SZT2: variants seen among roughly 807,000 people sequenced by gnomAD.
The protein encoded by SZT2 is KICSTOR complex protein SZT2.
SZT2 carries 216 observed loss-of-function variants against 404.2 expected under a neutral mutation model. That is an observed-to-expected ratio of 0.53 (90% CI 0.48 to 0.60). SZT2 has a LOEUF of 0.60. SZT2 is among the 20% of genes least tolerant of loss of function. The pLI, the probability that SZT2 is intolerant of heterozygous loss-of-function variation, is 0.00. For missense variants in SZT2, 3,857 were observed against 4,459.2 expected (o/e 0.86, Z 3.85); for synonymous variants, 1,693 against 1,749.9 (o/e 0.97, Z 0.81).
Position 43,448,118 on chromosome 1 carries a change from C to T in SZT2, c.9603C>T (p.Leu3201=). 1 of 1,601,298 alleles carries T rather than the reference C, an allele frequency of 6.2e-7. No individual in the cohort carries two copies. The part of the protein sequence containing the change: ...FFVVLTSQRE[L]FPRLTADMRR... Reference sequence around the variant, plus strand: ...TGGTGCTCACCAGCCAGCGAGAGCTCTTCCCCAGGCTCACTGCTGACATGC... The same window carrying T: ...TGGTGCTCACCAGCCAGCGAGAGCTTTTCCCCAGGCTCACTGCTGACATGC... Residue 3201 remains leucine, a synonymous_variant, in exon 69 of 72, where the codon CTC becomes CTT. Coordinates refer to ENST00000634258, the MANE Select transcript of SZT2 (RefSeq NM_001365999.1). The surrounding 1 kb of genome is among the most constrained non-coding windows in gnomAD (Gnocchi z 4.2).
At chr1:43,415,855 C>A in intron 5 of SZT2, 105 bp from the exon 6 acceptor site, 1 of 1,332,784 alleles carries the variant, frequency 7.5e-7, no homozygotes, top group Non-Finnish European at 1.0e-6. Context: ...TCACAGGATT[C>A]GGCCTGTCTG....
rs746376950 is a variant in SZT2 at position 43,424,332 on chromosome 1, C to T, written c.2371C>T (p.Arg791Cys). Residue 791 changes from arginine (R) to cysteine (C), a missense_variant, in exon 16 of 72, where the codon CGC becomes TGC. By Grantham distance (180) the Arg-to-Cys change is radical (BLOSUM62 -3). This residue lies in a region of SZT2 where 1,725 missense variants were observed against 1,881.0 expected (regional missense o/e 0.92). Coordinates refer to ENST00000634258, the MANE Select transcript of SZT2 (RefSeq NM_001365999.1). The surrounding 1 kb of genome is among the most constrained non-coding windows in gnomAD (Gnocchi z 4.1). ...CTCTTCTAGCCTGGCGTCACTGTCCCGCTACCTCTACCATCAGCGCTGGCT... is the reference window on the plus strand; with the variant it reads ...CTCTTCTAGCCTGGCGTCACTGTCCTGCTACCTCTACCATCAGCGCTGGCT... ...SASSSLASLS[R>C]YLYHQRWLWS... 8 of 1,598,082 alleles carry T rather than the reference C, an allele frequency of 5.0e-6. No homozygotes were observed. The highest frequency in any genetic ancestry group is 2.7e-5 in the African/African-American group (2 of 74,952).
Position 43,450,572 on chromosome 1 carries a change from GC to G in SZT2, c.*96del. 1 of 1,558,086 alleles carries G rather than the reference GC, an allele frequency of 6.4e-7. No homozygotes were observed. Among genetic ancestry groups the G allele is most frequent in the Non-Finnish European group, 8.7e-7 (1 of 1,144,518 alleles). ...AGGCAGGACTGACCAGCCCTTCTGGGCCCCAGGGCAAGCCAGACACTGAGTG... is the reference window on the plus strand; with the variant it reads ...AGGCAGGACTGACCAGCCCTTCTGGGCCCAGGGCAAGCCAGACACTGAGTG... On this transcript the variant is annotated 3_prime_UTR_variant, in exon 72 of 72. Coordinates refer to ENST00000634258, the MANE Select transcript of SZT2 (RefSeq NM_001365999.1). This position sits in a 1 kb window ranked among gnomAD's most constrained non-coding sequence, Gnocchi z 4.3.
intron 4 of SZT2, among the ~76,000 whole-genome samples, chr1:43,411,198 A>G (rs1650997860): frequency 6.6e-6 from 1 of 152,248 alleles, no homozygotes; most frequent in African/African-American, 2.4e-5. Context: ...GAGGATCTAC[A>G]GGGAACTTTA....
chr1:43,443,463 C>G lies in SZT2; in HGVS notation c.8611C>G (p.Pro2871Ala). The G allele has an allele frequency of 6.2e-7, 1 of 1,614,188 alleles. No homozygotes were observed. Among genetic ancestry groups the G allele is most frequent in the Non-Finnish European group, 8.5e-7 (1 of 1,180,014 alleles). ...WLHGPPETSGPPDGQRRHRPE... is the reference protein window; with the variant it reads ...WLHGPPETSGAPDGQRRHRPE... ...GCATGGGCCCCCAGAGACCTCTGGA[C>G]CCCCTGACGGGCAGGTAAGGCTGAC... The change falls in exon 61 of 72, where the codon CCC (proline) becomes GCC (alanine). Residue 2871 changes from proline (P) to alanine (A), a missense_variant. Around this residue, in one of 7 missense-constraint regions of SZT2, gnomAD observed 717 missense variants for 868.2 expected, o/e 0.83. Coordinates refer to ENST00000634258, the MANE Select transcript of SZT2 (RefSeq NM_001365999.1).
In SZT2 at chr1:43,424,687, G is replaced by C. The variant is rs1652927614; in HGVS notation, c.2472-97G>C. ...GCCAGCAGCAGACTTGGCTCCTTGA[G>C]GACTGCTGGGAGGTGGGTGTATGTG... On this transcript the variant is annotated intron_variant, in intron 16 of 71. Transcript: ENST00000634258. This position sits in a 1 kb window ranked among gnomAD's most constrained non-coding sequence, Gnocchi z 4.1. 1 of 1,096,350 alleles carries C rather than the reference G, an allele frequency of 9.1e-7. No homozygotes were observed. The highest frequency in any genetic ancestry group is 1.5e-5 in the African/African-American group (1 of 64,888). The allele number at this position is 1,096,350 out of a possible 1,614,324, so 67.9% of individuals were successfully genotyped here.
At chr1:43,418,437 TAGAA>T (rs920085591) in intron 7 of SZT2, among the ~76,000 whole-genome samples, 3 of 151,860 alleles carry the variant, frequency 2.0e-5, no homozygotes, top group Non-Finnish European at 2.9e-5. Context: ...TCTTTGAAAA[TAGAA>T]AGAAGTGAAG....
chr1:43,430,196 G>GA, intron 30 of SZT2, 93 bp downstream of exon 30: 1 of 1,572,782 alleles, frequency 6.4e-7, no homozygotes, highest in South Asian at 1.1e-5. Context: ...CCTGGATGTG[G>GA]CTCTTGTCTT....
Position 43,450,254 on chromosome 1 carries a change from G to A in SZT2, c.10155+83G>A, listed in dbSNP as rs1179627233. The A allele has an allele frequency of 6.8e-6, 11 of 1,613,688 alleles. No homozygotes were observed. Among genetic ancestry groups the A allele is most frequent in the Non-Finnish European group, 8.5e-6 (10 of 1,179,752 alleles). On this transcript the variant is annotated intron_variant, in intron 71 of 71. Coordinates refer to ENST00000634258, the MANE Select transcript of SZT2 (RefSeq NM_001365999.1). This position sits in a 1 kb window ranked among gnomAD's most constrained non-coding sequence, Gnocchi z 4.3. ...CCACCTCGGAGCCTGCTGAGGTTGG[G>A]GTGCCCACCCTTTCTGAGCCCTGCC...
chr1:43,433,188 AC>A lies in SZT2; in HGVS notation c.5803del (p.Arg1935GlyfsTer3). 1 of 1,613,212 alleles carries A rather than the reference AC, an allele frequency of 6.2e-7. No homozygotes were observed. Among genetic ancestry groups the A allele is most frequent in the Non-Finnish European group, 8.5e-7 (1 of 1,179,956 alleles). ...QDRVEVYAHARSLIREDGGPG... is the reference protein window; with the variant it reads ...QDRVEVYAHAXSLIREDGGPG... ...ACCGTGTGGAAGTGTATGCACATGC[AC>A]GGTAAGTAGAAGCCAGGGCCTGCAC... On this transcript the variant is annotated frameshift_variant and splice_region_variant, in exon 40 of 72. Coordinates refer to ENST00000634258, the MANE Select transcript of SZT2 (RefSeq NM_001365999.1). LOFTEE classifies it high-confidence loss of function.
rs774407890 is a variant in SZT2 at position 43,439,774 on chromosome 1, G to T, written c.7042+5G>T. The T allele has an allele frequency of 4.4e-6, 7 of 1,581,482 alleles. No individual in the cohort carries two copies. In the East Asian group the frequency reaches 1.6e-4, roughly 36 times the overall value. On this transcript the variant is annotated splice_donor_5th_base_variant and intron_variant, in intron 50 of 71. Transcript: ENST00000634258. The surrounding 1 kb of genome is among the most constrained non-coding windows in gnomAD (Gnocchi z 4.2). ...TTGTTGTGGACAGTTCTTCAGGTGG[G>T]ACAGCTTGGTCAGAGGATGAGGTGT...
chr1:43,406,337 A>C, intron 4 of SZT2: 1 of 224,730 alleles, frequency 4.4e-6, no homozygotes, highest in Non-Finnish European at 9.3e-6. Flanking sequence ...ACCTCAAGTG[A>C]TCCACCTGCC....
Position 43,435,297 on chromosome 1 carries a change from A to G in SZT2, c.6002A>G (p.His2001Arg). 6.2e-7 allele frequency: 1 copy of G among 1,613,236 alleles called. No homozygotes were observed. The highest frequency in any genetic ancestry group is 8.5e-7 in the Non-Finnish European group (1 of 1,179,736). Residue 2001 changes from histidine (H) to arginine (R), a missense_variant, in exon 42 of 72, where the codon CAC becomes CGC. His to Arg is a conservative substitution (Grantham distance 29). Transcript: ENST00000634258. ...CTGTGGCGCAGTGAGACTCCCTTCC[A>G]CTCCCGTCAGCGGGCACCACTGCCC... ...EDLWRSETPF[H>R]SRQRAPLPSD...
intron 4 of SZT2, chr1:43,405,221 A>G (rs1255086668): frequency 6.6e-6 from 1 of 152,290 alleles, no homozygotes; most frequent in African/African-American, 2.4e-5. Context: ...CATGTTGGCC[A>G]GGCTGGTCTT....
rs1467715623 is a variant in SZT2 at position 43,441,640 on chromosome 1, C to T, written c.7609+39C>T. ...CTCCCCTCCCATCCCTCAACCCCAG[C>T]CTGGTCTCCATCCTGCAGCTCCACA... On this transcript the variant is annotated intron_variant, in intron 54 of 71. Transcript: ENST00000634258. This position sits in a 1 kb window ranked among gnomAD's most constrained non-coding sequence, Gnocchi z 4.8. 2 of 1,613,962 alleles carry T rather than the reference C, an allele frequency of 1.2e-6. No individual in the cohort carries two copies. The highest frequency in any genetic ancestry group is 1.7e-6 in the Non-Finnish European group (2 of 1,179,910).
rs1484864025 is a variant in SZT2 at position 43,431,453 on chromosome 1, C to T, written c.5025-7C>T. The T allele has an allele frequency of 6.2e-7, 1 of 1,614,016 alleles. No homozygotes were observed. The highest frequency in any genetic ancestry group is 1.1e-5 in the South Asian group (1 of 91,084). The stretch of plus-strand genomic sequence containing the variant: ...GAAACCAATATCTAAACCTTTCTTC[C>T]AATTAGGCACCCAGGACTATCCAAT... On this transcript the variant is annotated splice_region_variant and splice_polypyrimidine_tract_variant and intron_variant, in intron 34 of 71. Transcript: ENST00000634258.
Position 43,431,367 on chromosome 1 carries a change from G to A in SZT2, c.5019G>A (p.Glu1673=). The part of the protein sequence containing the change: ...GLGPPLPPPE[E]ERHPGLSNLA... ...GGCCCCCACTGCCACCCCCAGAAGA[G>A]GAGAGGTACTTCTTTATCTCCCTGT... is the stretch of plus-strand genomic sequence containing the variant. Residue 1673 remains glutamate (E), a synonymous_variant, in exon 34 of 72, where the codon GAG becomes GAA. Transcript: ENST00000634258. 6.2e-7 allele frequency: 1 copy of A among 1,612,346 alleles called. No individual in the cohort carries two copies. Among genetic ancestry groups the A allele is most frequent in the Non-Finnish European group, 8.5e-7 (1 of 1,178,492 alleles).
intron 4 of SZT2, chr1:43,412,418 C>G (rs1651170903): frequency 6.6e-6 from 1 of 152,240 alleles, no homozygotes; most frequent in Non-Finnish European, 1.5e-5. Flanking sequence ...GCCTCAGACT[C>G]CTGAGTAGCT....
chr1:43,442,634 G>T lies in SZT2; in HGVS notation c.8151+16G>T, dbSNP rs1457437558. 1.9e-6 allele frequency: 3 copies of T among 1,585,674 alleles called. No homozygotes were observed. The East Asian group carries it at 6.7e-5, about 36-fold the overall frequency. Reference sequence around the variant, plus strand: ...AGATGAAAAGGTGCCTGCTGCTCTGGTTCTTCCTATAGTTTTGGCTACTGA... The same window carrying T: ...AGATGAAAAGGTGCCTGCTGCTCTGTTTCTTCCTATAGTTTTGGCTACTGA... On this transcript the variant is annotated intron_variant, in intron 58 of 71. Transcript: ENST00000634258. This position sits in a 1 kb window ranked among gnomAD's most constrained non-coding sequence, Gnocchi z 4.5.
Sources: allele counts gnomAD v4.1 joint callset (sites outside exome capture counted in the v4.1 genomes callset), GRCh38; gene constraint gnomAD v4.1.1; regional missense constraint gnomAD v4.1.1; non-coding constraint Gnocchi (gnomAD v3.1); transcripts MANE v1.5; gene names NCBI Gene and HGNC (gene_info 2026-07-23, HGNC 2026-07-21).